LETM1: variants seen among roughly 807,000 people sequenced by gnomAD.
LETM1 encodes the protein leucine zipper and EF-hand containing transmembrane protein 1.
In LETM1, 50 loss-of-function variants were observed where a neutral mutation model predicts 74.5. The ratio of observed to expected loss-of-function variants is 0.67; its 90% CI spans 0.53 to 0.85. The LOEUF (loss-of-function observed/expected upper bound fraction) is 0.85, where lower values mean the gene tolerates loss of function less well. Among genes scored for constraint, LETM1 ranks in the 40% least tolerant of loss-of-function variants. The probability of loss-of-function intolerance (pLI) is 0.00; values close to 1 mark genes in which losing one functional copy is unlikely to be tolerated. For missense variants in LETM1, 824 were observed against 967.8 expected, an observed-to-expected ratio of 0.85 and a Z score of 1.97; for synonymous variants, 446 against 407.1, an observed-to-expected ratio of 1.10 and a Z score of -1.15.
intron 2 of LETM1, among the ~76,000 whole-genome samples, chr4:1,848,547 C>CAAA (rs35425818): frequency 4.2e-5 from 3 of 72,280 alleles, no homozygotes; most frequent in Non-Finnish European, 8.5e-5. Context: ...GACTCCGTCT[C>CAAA]AAAAAAAAAA....
Position 1,823,093 on chromosome 4 carries a change from G to A in LETM1, c.1371C>T (p.Gly457=), listed in dbSNP as rs747741769. The A allele has an allele frequency of 5.5e-5, 89 of 1,608,114 alleles. No individual in the cohort carries two copies. Among genetic ancestry groups the A allele is most frequent in the Non-Finnish European group, 6.6e-5 (78 of 1,176,780 alleles). Residue 457 remains glycine, a synonymous_variant, in exon 9 of 14, where the codon GGC becomes GGT. Transcript: ENST00000302787. ...EAQVKVAEVE[G]EQVDNKAKLE... ...GCTTGGCCTTGTTGTCCACCTGCTC[G>A]CCCTCCACCTCGGCCACTTTCACCT...
intron 10 of LETM1, among the ~76,000 whole-genome samples, chr4:1,821,169 T>C (rs1264644663): frequency 6.6e-6 from 1 of 150,762 alleles, no homozygotes; most frequent in Non-Finnish European, 1.5e-5. Context: ...TGTCACCCAC[T>C]GCAAGCTCTG....
At chr4:1,821,639 G>A (rs1405776861) in intron 10 of LETM1, among the ~76,000 whole-genome samples, 1 of 152,214 alleles carries the variant, frequency 6.6e-6, no homozygotes, top group African/African-American at 2.4e-5. Flanking sequence ...ACTGAGCCGA[G>A]ATGGCGCCAC....
At chr4:1,841,292 C>T in intron 3 of LETM1, 55 bp downstream of exon 3, 3 of 1,528,584 alleles carry the variant, frequency 2.0e-6, no homozygotes, top group Non-Finnish European at 2.7e-6. Context: ...CACTGCACTC[C>T]AGCCTGGGTG....
In LETM1 at chr4:1,834,748, T is replaced by A; in HGVS notation, c.876+97A>T. ...AAACTTTCAAGCGCCAGCCAGCACC[T>A]GGGGGAGCTCCACTCTGCTGAGCAC... is the stretch of plus-strand genomic sequence containing the variant. On this transcript the variant is annotated intron_variant, in intron 5 of 13. Coordinates refer to ENST00000302787, the MANE Select transcript of LETM1 (RefSeq NM_012318.3). This position sits in a 1 kb window ranked among gnomAD's most constrained non-coding sequence, Gnocchi z 5.0. 3 of 1,550,178 alleles carry A rather than the reference T, an allele frequency of 1.9e-6. 1 individual carries two copies. In the South Asian group the frequency reaches 3.7e-5, roughly 19 times the overall value.
In LETM1 at chr4:1,812,518, TGTAA is replaced by T. The variant is rs1722498604; in HGVS notation, c.*1902_*1905del. The T allele has an allele frequency of 2.0e-5, 3 of 151,972 alleles. No individual in the cohort carries two copies. In the South Asian group the frequency reaches 6.2e-4, roughly 32 times the overall value. The allele number at this position is 151,972 out of a possible 1,614,324, so 9.4% of individuals were successfully genotyped here. A position where few individuals can be genotyped will look rare whatever the true frequency, so the allele number is the denominator to read the frequency against. ...GACCGAGGGTCTGGCCCTGGGCAGG[TGTAA>T]GAAAGGACTGTTTTAAGAAGCTTAT... On this transcript the variant is annotated 3_prime_UTR_variant, in exon 14 of 14. Transcript: ENST00000302787.
chr4:1,828,128 G>C (rs1396782061), intron 6 of LETM1, among the ~76,000 whole-genome samples: 1 of 119,972 alleles, frequency 8.3e-6, no homozygotes, highest in African/African-American at 3.3e-5. Context: ...CGGACGGGGC[G>C]GCTGGCCGGG....
intron 4 of LETM1, among the ~76,000 whole-genome samples, chr4:1,835,486 AAAAC>A (rs200926182): frequency 0.018 from 2,669 of 152,160 alleles, 74 homozygotes; most frequent in African/African-American, 0.062. Context: ...CAAACAAACA[AAAAC>A]AAACAAACTC....
chr4:1,828,883 C>T (rs1351556099), intron 6 of LETM1, among the ~76,000 whole-genome samples: 16 of 106,450 alleles, frequency 1.5e-4, no homozygotes, highest in Non-Finnish European at 1.7e-4. Flanking sequence ...ACCTCCCTCC[C>T]GGACGGGGCG....
chr4:1,826,952 G>C (rs1712010622), intron 6 of LETM1, among the ~76,000 whole-genome samples: 1 of 152,158 alleles, frequency 6.6e-6, no homozygotes, highest in African/African-American at 2.4e-5. Flanking sequence ...CCCTCCGTCT[G>C]TTCTGAGTCT....
At chr4:1,824,356 A>G (rs1223119244) in intron 7 of LETM1, among the ~76,000 whole-genome samples, 2 of 152,088 alleles carry the variant, frequency 1.3e-5, no homozygotes, top group Non-Finnish European at 2.9e-5. Flanking sequence ...GTCAACATAT[A>G]CGGGCCCGCA....
rs773611754 is a variant in LETM1 at position 1,841,509 on chromosome 4, G to A, written c.432C>T (p.Pro144=). The change falls in exon 3 of 14, where the codon CCC becomes CCT. Residue 144 remains proline (P), a synonymous_variant. Coordinates refer to ENST00000302787, the MANE Select transcript of LETM1 (RefSeq NM_012318.3). ...GGGACTTCTTCACCACCACCTCTGC[G>A]GGGGGGCTGTACACCGGGCCGCCTT... is the stretch of plus-strand genomic sequence containing the variant. ...LEEGGPVYSP[P]AEVVVKKSLG... 1.5e-5 allele frequency: 25 copies of A among 1,613,956 alleles called. No individual in the cohort carries two copies. The highest frequency in any genetic ancestry group is 3.3e-5 in the Admixed American group (2 of 59,998).
chr4:1,823,566 T>C, intron 8 of LETM1, 78 bp downstream of exon 8: 1 of 1,577,682 alleles, frequency 6.3e-7, no homozygotes, highest in South Asian at 1.1e-5. Context: ...TGAGTGCGCT[T>C]GCACACCTCC....
intron 2 of LETM1, among the ~76,000 whole-genome samples, chr4:1,845,259 C>T (rs751273685): frequency 1.3e-5 from 2 of 152,068 alleles, no homozygotes; most frequent in African/African-American, 4.8e-5. Flanking sequence ...CTGAGGATTA[C>T]CTGCATCTGT....
At chr4:1,825,012 G>A (rs966192951) in intron 7 of LETM1, among the ~76,000 whole-genome samples, 7 of 152,256 alleles carry the variant, frequency 4.6e-5, no homozygotes, top group Admixed American at 1.3e-4. Context: ...CCAGGGCACC[G>A]GGAGGAAACC....
Position 1,836,564 on chromosome 4 carries a change from C to T in LETM1, c.603G>A (p.Arg201=), listed in dbSNP as rs1560496364. ...CCAGGCGGAAGAGGTCAGCGCAGAT[C>T]CGGAGAAACTGGAAGGGGCGGAATC... ...LTRRERRQFL[R]ICADLFRLVP... Residue 201 remains arginine, a synonymous_variant, in exon 4 of 14, where the codon CGG becomes CGA. Coordinates refer to ENST00000302787, the MANE Select transcript of LETM1 (RefSeq NM_012318.3). The surrounding 1 kb of genome is among the most constrained non-coding windows in gnomAD (Gnocchi z 5.8). The T allele has an allele frequency of 3.1e-6, 5 of 1,613,712 alleles. No individual in the cohort carries two copies. The highest frequency in any genetic ancestry group is 4.2e-6 in the Non-Finnish European group (5 of 1,179,954).
rs757862552 is a variant in LETM1 at position 1,825,599 on chromosome 4, C to T, written c.1165G>A (p.Val389Ile). 50 of 1,613,728 alleles carry T rather than the reference C, an allele frequency of 3.1e-5. No homozygotes were observed. The highest frequency in any genetic ancestry group is 4.0e-5 in the Non-Finnish European group (47 of 1,179,850). ...TGACCCCTCAGGCGGTCTTCCGTGA[C>T]GCCCAGGGCCCGCATGCCTCGTGCC... ...CRARGMRALG[V>I]TEDRLRGQLK... The change falls in exon 7 of 14, where the codon GTC (valine) becomes ATC (isoleucine). Residue 389 changes from valine (V) to isoleucine (I), a missense_variant. By Grantham distance (29) the Val-to-Ile change is conservative (BLOSUM62 3). Coordinates refer to ENST00000302787, the MANE Select transcript of LETM1 (RefSeq NM_012318.3).
chr4:1,853,761 C>T (rs543050635), intron 1 of LETM1, among the ~76,000 whole-genome samples: 114 of 152,282 alleles, frequency 7.5e-4, no homozygotes, highest in African/African-American at 2.5e-3. Flanking sequence ...CCCTACTCAT[C>T]TAAGATGTTA....
At chr4:1,825,832 G>C (rs950603860) in intron 6 of LETM1, 149 bp from the exon 7 acceptor site, 5 of 915,550 alleles carry the variant, frequency 5.5e-6, no homozygotes, top group Non-Finnish European at 8.3e-6. Flanking sequence ...GGTTAGAAGT[G>C]ACTGGAAGCC....
Sources: allele counts gnomAD v4.1 joint callset (sites outside exome capture counted in the v4.1 genomes callset), GRCh38; gene constraint gnomAD v4.1.1; non-coding constraint Gnocchi (gnomAD v3.1); transcripts MANE v1.5; gene names NCBI Gene and HGNC (gene_info 2026-07-23, HGNC 2026-07-21).